The following MAPK10 variants were observed in gnomAD, a reference collection of about 807,000 sequenced individuals.
MAPK10 encodes mitogen-activated protein kinase 10.
MAPK10 carries 25 observed loss-of-function variants against 59.3 expected under a neutral mutation model. The ratio of observed to expected loss-of-function variants is 0.42; its 90% CI spans 0.31 to 0.59. MAPK10 has a LOEUF of 0.59. Among genes scored for constraint, MAPK10 ranks in the 20% least tolerant of loss-of-function variants. MAPK10 has a pLI of 0.15. For missense variants in MAPK10, 351 were observed against 568.9 expected, an observed-to-expected ratio of 0.62 and a Z score of 3.90; for synonymous variants, 190 against 200.5, an observed-to-expected ratio of 0.95 and a Z score of 0.44.
chr4:86,227,634 A>G (rs776960505), intron 2 of MAPK10, among the ~76,000 whole-genome samples: 1 of 152,192 alleles, frequency 6.6e-6, no homozygotes, highest in South Asian at 2.1e-4. Flanking sequence ...CCAAACTAAA[A>G]CTCTTCAGAG....
intron 1 of MAPK10, among the ~76,000 whole-genome samples, chr4:86,466,932 G>T (rs766026486): frequency 2.0e-5 from 3 of 152,218 alleles, no homozygotes; most frequent in African/African-American, 7.2e-5. Context: ...TGGGTCTGTT[G>T]TCTCTCTTTT....
chr4:86,249,045 A>G (rs1044336937), intron 2 of MAPK10, among the ~76,000 whole-genome samples: 1 of 152,188 alleles, frequency 6.6e-6, no homozygotes, highest in Non-Finnish European at 1.5e-5. Flanking sequence ...AATAAAGGAG[A>G]AGAAATCTAA....
At chr4:86,586,482 T>C (rs1762660317) in intron 1 of MAPK10, among the ~76,000 whole-genome samples, 1 of 152,232 alleles carries the variant, frequency 6.6e-6, no homozygotes, top group South Asian at 2.1e-4. Flanking sequence ...GCAGCTCCAG[T>C]ATCTCTCTCC....
intron 3 of MAPK10, among the ~76,000 whole-genome samples, chr4:86,190,283 C>T (rs1273345583): frequency 2.0e-5 from 3 of 152,014 alleles, no homozygotes; most frequent in Admixed American, 2.0e-4. Context: ...GGAAGGAGTC[C>T]CTCTTTTTCT....
intron 1 of MAPK10, among the ~76,000 whole-genome samples, chr4:86,489,161 A>G (rs1353822094): frequency 6.6e-6 from 1 of 152,210 alleles, no homozygotes; most frequent in African/African-American, 2.4e-5. Flanking sequence ...GCAGATGACT[A>G]CAGACTCATG....
intron 3 of MAPK10, among the ~76,000 whole-genome samples, chr4:86,166,659 A>T (rs2071832132): frequency 6.6e-6 from 1 of 152,174 alleles, no homozygotes; most frequent in African/African-American, 2.4e-5. Context: ...CTTAGTTTTC[A>T]TTTGTGGTAG....
chr4:86,034,853 G>C (rs914611730), intron 11 of MAPK10, among the ~76,000 whole-genome samples: 2 of 152,216 alleles, frequency 1.3e-5, no homozygotes, highest in African/African-American at 4.8e-5. Context: ...TCCATGCCAA[G>C]AGCACATTAT....
At chr4:86,065,911 C>T (rs1006378682) in intron 10 of MAPK10, among the ~76,000 whole-genome samples, 3 of 152,082 alleles carry the variant, frequency 2.0e-5, no homozygotes, top group Non-Finnish European at 2.9e-5. Flanking sequence ...AACAACTTGG[C>T]TAATTCTACA....
intron 2 of MAPK10, among the ~76,000 whole-genome samples, chr4:86,286,002 G>A (rs1251525798): frequency 6.6e-6 from 1 of 152,152 alleles, no homozygotes; most frequent in African/African-American, 2.4e-5. Flanking sequence ...CATTAGTGAG[G>A]GCAATACTCT....
At chr4:86,498,434 C>G (rs1460337636) in intron 1 of MAPK10, among the ~76,000 whole-genome samples, 2 of 152,110 alleles carry the variant, frequency 1.3e-5, no homozygotes, top group African/African-American at 4.8e-5. Flanking sequence ...AACAACAGAG[C>G]CATCATTTTG....
At chr4:86,187,386 G>A (rs1225490252) in intron 3 of MAPK10, among the ~76,000 whole-genome samples, 1 of 152,170 alleles carries the variant, frequency 6.6e-6, no homozygotes, top group African/African-American at 2.4e-5. Flanking sequence ...GCATTATATG[G>A]ACGTGCTGCA....
intron 2 of MAPK10, among the ~76,000 whole-genome samples, chr4:86,203,825 C>T (rs1044810516): frequency 2.0e-5 from 3 of 151,318 alleles, no homozygotes; most frequent in African/African-American, 7.3e-5. Flanking sequence ...TGCCTTGAAA[C>T]AAGTAATTAT....
At position 86,059,653 on chromosome 4, in the gene MAPK10, C is replaced by A. The variant is rs548005566; in HGVS notation, c.1110+4613G>T. 2.0e-5 allele frequency among the ~76,000 whole-genome samples: 3 copies of A among 152,242 alleles called. No homozygotes were observed. The East Asian group carries it at 5.8e-4, about 29-fold the overall frequency. On this transcript the variant is annotated intron_variant, in intron 11 of 13. Transcript: ENST00000641462. ...AATCTTGAGTTAGGTGAAAAAATAA[C>A]AAGCAAGCTCAGCACTGGCCCTGTT...
chr4:86,580,575 T>C (rs1457389351), intron 1 of MAPK10, among the ~76,000 whole-genome samples: 1 of 152,204 alleles, frequency 6.6e-6, no homozygotes, highest in East Asian at 1.9e-4. Flanking sequence ...TACTTCTAAA[T>C]TTTAAATATG....
chr4:86,281,225 C>G (rs2148798095), intron 2 of MAPK10, among the ~76,000 whole-genome samples: 1 of 152,238 alleles, frequency 6.6e-6, no homozygotes, highest in South Asian at 2.1e-4. Context: ...TCTCAGAGGA[C>G]CAGGCATGGT....
chr4:86,089,219 A>C, intron 9 of MAPK10: 31 of 1,612,248 alleles, frequency 1.9e-5, no homozygotes, highest in Non-Finnish European at 2.5e-5. Context: ...CAGTGCCAGG[A>C]AACAGCACTG....
intron 9 of MAPK10, among the ~76,000 whole-genome samples, chr4:86,075,349 G>A (rs376511408): frequency 6.6e-5 from 10 of 151,848 alleles, no homozygotes; most frequent in South Asian, 2.1e-4. Context: ...ATGTCCTCCC[G>A]TAGCTCAGAG....
intron 1 of MAPK10, among the ~76,000 whole-genome samples, chr4:86,569,979 A>G: frequency 6.6e-6 from 1 of 152,162 alleles, no homozygotes; most frequent in Middle Eastern, 3.2e-3. Context: ...TTCAAAAATA[A>G]AAGGAGAAAA....
chr4:86,278,580 G>A (rs1024802225), intron 2 of MAPK10, among the ~76,000 whole-genome samples: 2 of 152,078 alleles, frequency 1.3e-5, no homozygotes, highest in African/African-American at 4.8e-5. Flanking sequence ...TATTGGAAGT[G>A]TTAAATCAAC....
Sources: allele counts gnomAD v4.1 joint callset (sites outside exome capture counted in the v4.1 genomes callset), GRCh38; gene constraint gnomAD v4.1.1; transcripts MANE v1.5; gene names NCBI Gene and HGNC (gene_info 2026-07-23, HGNC 2026-07-21).